TMEM132D: variants seen among roughly 807,000 people sequenced by gnomAD.
TMEM132D encodes the protein transmembrane protein 132D, also known as mature OL transmembrane protein.
TMEM132D carries 21 observed loss-of-function variants against 62.3 expected under a neutral mutation model. The ratio of observed to expected loss-of-function variants is 0.34; its 90% CI spans 0.24 to 0.49. TMEM132D has a LOEUF of 0.49. Ranked by LOEUF, TMEM132D falls within the 20% of genes least tolerant of loss-of-function variation. The pLI, the probability that TMEM132D is intolerant of heterozygous loss-of-function variation, is 0.99. For missense variants in TMEM132D, 1,346 were observed against 1,402.8 expected, an observed-to-expected ratio of 0.96 and a Z score of 0.65; for synonymous variants, 621 against 575.6, an observed-to-expected ratio of 1.08 and a Z score of -1.13.
At chr12:129,574,895 A>G (rs1485758236) in intron 2 of TMEM132D, among the ~76,000 whole-genome samples, 2 of 151,872 alleles carry the variant, frequency 1.3e-5, no homozygotes, top group African/African-American at 2.4e-5. Context: ...ATGGAAGTTC[A>G]GAAGCAGCCG....
At chr12:129,721,558 C>T (rs182624951) in intron 1 of TMEM132D, among the ~76,000 whole-genome samples, 42 of 152,180 alleles carry the variant, frequency 2.8e-4, no homozygotes, top group Middle Eastern at 3.4e-3. Context: ...TGCTGGCGCT[C>T]TAGGTGAGCA....
chr12:129,166,688 T>TACAC lies in TMEM132D; in HGVS notation c.1443+42828_1443+42831dup, dbSNP rs199938469. The stretch of plus-strand genomic sequence containing the variant: ...CTACGCAAGGACATATATATACACA[T>TACAC]ACACACACACACACACACACACACA... On this transcript the variant is annotated intron_variant, in intron 5 of 8. Coordinates refer to ENST00000422113, the MANE Select transcript of TMEM132D (RefSeq NM_133448.3). 3.7e-4 allele frequency among the ~76,000 whole-genome samples: 39 copies of TACAC among 104,654 alleles called. 1 individual carries two copies. Among genetic ancestry groups the TACAC allele is most frequent in the African/African-American group, 1.2e-3 (37 of 31,018 alleles). The allele number at this position is 104,654 out of a possible 152,430, so 68.7% of individuals were successfully genotyped here. A position where few individuals can be genotyped will look rare whatever the true frequency, so the allele number is the denominator to read the frequency against.
At chr12:129,445,088 C>A (rs1430744924) in intron 3 of TMEM132D, among the ~76,000 whole-genome samples, 1 of 152,152 alleles carries the variant, frequency 6.6e-6, no homozygotes, top group Non-Finnish European at 1.5e-5. Flanking sequence ...CCTAAATATC[C>A]ATCAATGAAA....
intron 3 of TMEM132D, among the ~76,000 whole-genome samples, chr12:129,432,502 G>C (rs1283996722): frequency 1.3e-5 from 2 of 152,224 alleles, no homozygotes. Context: ...CCAAATACGG[G>C]TGTATAAGTA....
chr12:129,391,470 C>T (rs1871287002), intron 3 of TMEM132D, among the ~76,000 whole-genome samples: 1 of 152,094 alleles, frequency 6.6e-6, no homozygotes, highest in Non-Finnish European at 1.5e-5. Flanking sequence ...CAGATTTAGG[C>T]CAGAGCAATG....
chr12:129,747,706 A>G (rs1198850400), intron 1 of TMEM132D, among the ~76,000 whole-genome samples: 2 of 149,842 alleles, frequency 1.3e-5, no homozygotes, highest in Non-Finnish European at 3.0e-5. Context: ...CACACTCAAC[A>G]CACACTCAGA....
intron 3 of TMEM132D, among the ~76,000 whole-genome samples, chr12:129,523,464 T>G (rs1463080542): frequency 6.6e-6 from 1 of 152,204 alleles, no homozygotes; most frequent in East Asian, 1.9e-4. Context: ...CGCATGACTC[T>G]TGTAGCTGTA....
chr12:129,221,235 C>G (rs922189754), intron 4 of TMEM132D, among the ~76,000 whole-genome samples: 1 of 152,166 alleles, frequency 6.6e-6, no homozygotes, highest in African/African-American at 2.4e-5. Context: ...CCAGATGATG[C>G]AGTGAGGAGA....
At chr12:129,106,419 T>C (rs1875500664) in intron 5 of TMEM132D, among the ~76,000 whole-genome samples, 1 of 150,886 alleles carries the variant, frequency 6.6e-6, no homozygotes, top group African/African-American at 2.4e-5. Context: ...AGTATAATAA[T>C]AATAAAATAA....
chr12:129,657,116 T>C lies in TMEM132D; in HGVS notation c.968+42694A>G, dbSNP rs113958189. The stretch of plus-strand genomic sequence containing the variant: ...CTTAGACTCACGGAAGTTAAAGTCC[T>C]TTAGGATAAACATGTTGGTAACTTC... On this transcript the variant is annotated intron_variant, in intron 2 of 8. Transcript: ENST00000422113. Among the ~76,000 whole-genome samples the C allele has an allele frequency of 1.1e-3, 169 of 152,338 alleles. 2 individuals are homozygous for C. Among genetic ancestry groups the C allele is most frequent in the African/African-American group, 3.7e-3 (154 of 41,568 alleles).
intron 3 of TMEM132D, among the ~76,000 whole-genome samples, chr12:129,365,327 C>T (rs969738647): frequency 6.6e-6 from 1 of 152,208 alleles, no homozygotes; most frequent in African/African-American, 2.4e-5. Flanking sequence ...AAAGAAGATG[C>T]AGTTCATTCT....
At chr12:129,147,154 A>G (rs1280281257) in intron 5 of TMEM132D, among the ~76,000 whole-genome samples, 1 of 151,692 alleles carries the variant, frequency 6.6e-6, no homozygotes, top group African/African-American at 2.4e-5. Context: ...CTCTCTCTGT[A>G]TGAGAGAATA....
At chr12:129,878,700 C>T (rs1874505335) in intron 1 of TMEM132D, among the ~76,000 whole-genome samples, 1 of 152,130 alleles carries the variant, frequency 6.6e-6, no homozygotes, top group African/African-American at 2.4e-5. Context: ...CCTCAGCTTC[C>T]CCAGTAGCTG....
intron 5 of TMEM132D, among the ~76,000 whole-genome samples, chr12:129,105,559 G>GA (rs200761456): frequency 0.51 from 71,309 of 140,826 alleles, 19,717 homozygotes; most frequent in East Asian, 0.62. Flanking sequence ...TAAAAAAAAA[G>GA]AAAAAAAAAA....
intron 3 of TMEM132D, among the ~76,000 whole-genome samples, chr12:129,490,909 A>T (rs1412435714): frequency 6.6e-6 from 1 of 151,702 alleles, no homozygotes; most frequent in African/African-American, 2.4e-5. Context: ...TTCTTTAATC[A>T]TTTACATTTC....
intron 2 of TMEM132D, among the ~76,000 whole-genome samples, chr12:129,560,516 C>T (rs923863038): frequency 5.3e-5 from 8 of 152,050 alleles, no homozygotes; most frequent in Non-Finnish European, 1.0e-4. Flanking sequence ...ATGATCCACC[C>T]GCCTCAGCCT....
intron 3 of TMEM132D, among the ~76,000 whole-genome samples, chr12:129,504,816 G>A (rs1428821952): frequency 1.3e-5 from 2 of 152,022 alleles, no homozygotes; most frequent in East Asian, 3.9e-4. Context: ...ATTGTCTGCT[G>A]TGCTCTTTCA....
At chr12:129,787,749 G>C (rs1871282639) in intron 1 of TMEM132D, among the ~76,000 whole-genome samples, 1 of 152,128 alleles carries the variant, frequency 6.6e-6, no homozygotes. Flanking sequence ...GGCCACCAGG[G>C]CAAAGAGTGG....
At chr12:129,838,343 T>A (rs1353103233) in intron 1 of TMEM132D, among the ~76,000 whole-genome samples, 1 of 152,242 alleles carries the variant, frequency 6.6e-6, no homozygotes, top group Non-Finnish European at 1.5e-5. Context: ...ACTGCATTTA[T>A]GGTCTAGATG....
Sources: gnomAD v4.1 joint callset for allele counts (sites outside exome capture counted in the v4.1 genomes callset) on GRCh38, gnomAD v4.1.1 for gene constraint, MANE v1.5 for transcripts, NCBI Gene and HGNC (gene_info 2026-07-23, HGNC 2026-07-21) for gene names.